EIF4G3: variants seen among roughly 807,000 people sequenced by gnomAD.
EIF4G3 encodes the protein eukaryotic translation initiation factor 4 gamma 3, also known as eIF-4-gamma 3.
A neutral mutation model predicts 186.4 loss-of-function variants in EIF4G3; 34 were observed. The observed-to-expected ratio is 0.18, with a 90% CI of 0.14 to 0.24. EIF4G3 has a LOEUF of 0.24. Among genes scored for constraint, EIF4G3 ranks in the 10% least tolerant of loss-of-function variants. The probability of loss-of-function intolerance (pLI) is 1.00; values close to 1 mark genes in which losing one functional copy is unlikely to be tolerated. For missense variants in EIF4G3, 1,536 were observed against 1,948.5 expected (o/e 0.79, Z 3.99); for synonymous variants, 673 against 679.5 (o/e 0.99, Z 0.15).
intron 3 of EIF4G3, chr1:21,073,743 C>T: frequency 2.1e-6 from 1 of 475,352 alleles, no homozygotes; most frequent in African/African-American, 2.0e-5. Flanking sequence ...GTAGGGAAGT[C>T]TATGATGGTA....
At chr1:21,098,232 T>C (rs2096424310) in intron 2 of EIF4G3, among the ~76,000 whole-genome samples, 1 of 152,156 alleles carries the variant, frequency 6.6e-6, no homozygotes, top group Non-Finnish European at 1.5e-5. Flanking sequence ...AGATAAAGGA[T>C]TTGTATCTAG....
At chr1:21,165,666 C>T (rs1253828069) in intron 2 of EIF4G3, among the ~76,000 whole-genome samples, 1 of 152,020 alleles carries the variant, frequency 6.6e-6, no homozygotes, top group African/African-American at 2.4e-5. Context: ...TTGCCTAGGG[C>T]AGGGAGAATT....
intron 14 of EIF4G3, among the ~76,000 whole-genome samples, chr1:20,934,974 G>A (rs2095471536): frequency 6.6e-6 from 1 of 151,970 alleles, no homozygotes; most frequent in East Asian, 1.9e-4. Context: ...CATCACTAGG[G>A]CAGGGATCTT....
intron 34 of EIF4G3, among the ~76,000 whole-genome samples, chr1:20,814,271 G>C (rs931672551): frequency 2.0e-5 from 3 of 152,082 alleles, no homozygotes; most frequent in Non-Finnish European, 4.4e-5. Context: ...CAGACCAGAT[G>C]AATCACATTT....
chr1:20,927,356 T>C (rs1271163750), intron 14 of EIF4G3, among the ~76,000 whole-genome samples: 2 of 152,228 alleles, frequency 1.3e-5, no homozygotes, highest in African/African-American at 2.4e-5. Context: ...GAAATAATGA[T>C]AGTTTCAAGG....
In EIF4G3 at chr1:20,817,399, C is replaced by G; in HGVS notation, c.4508G>C (p.Trp1503Ser). The G allele has an allele frequency of 1.3e-6, 2 of 1,590,452 alleles. No individual in the cohort carries two copies. The highest frequency in any genetic ancestry group is 1.7e-6 in the Non-Finnish European group (2 of 1,166,232). The part of the protein sequence containing the change: ...DKANDEQIFD[W>S]VEANLDEIQM... ...GTGACATAGTCTTTATACCTCTACC[C>G]AGTCAAAGATCTGTTCATCATTCGC... Residue 1503 changes from tryptophan (W) to serine (S), a missense_variant, in exon 34 of 37, where the codon TGG (tryptophan) becomes TCG (serine). This residue lies in a region of EIF4G3 where 395 missense variants were observed against 498.9 expected (regional missense o/e 0.79). Transcript: ENST00000602326.
intron 13 of EIF4G3, among the ~76,000 whole-genome samples, chr1:20,943,972 T>TGTGTGTGTGTGTGTGTGTGTG (rs1558363073): frequency 2.2e-5 from 1 of 44,798 alleles, no homozygotes; most frequent in Admixed American, 2.2e-4. Context: ...TCTTTATTTT[T>TGTGTGTGTGTGTGTGTGTGTG]TTTGTGTGTG....
intron 32 of EIF4G3, among the ~76,000 whole-genome samples, chr1:20,826,191 G>A (rs751777426): frequency 9.2e-5 from 14 of 152,212 alleles, no homozygotes; most frequent in Non-Finnish European, 1.3e-4. Context: ...TTTTGAGACA[G>A]AGTCTCTCTC....
chr1:21,023,800 T>C (rs1393994837), intron 4 of EIF4G3, among the ~76,000 whole-genome samples: 18 of 141,182 alleles, frequency 1.3e-4, no homozygotes, highest in African/African-American at 5.0e-4. Flanking sequence ...CGCCATCCCA[T>C]CTAGGAAGTG....
intron 2 of EIF4G3, among the ~76,000 whole-genome samples, chr1:21,115,517 A>C (rs911765826): frequency 6.6e-6 from 1 of 152,190 alleles, no homozygotes; most frequent in African/African-American, 2.4e-5. Flanking sequence ...ACAAACCTTA[A>C]ATTTGTTAGG....
chr1:20,889,441 G>A (rs957973762), intron 18 of EIF4G3, among the ~76,000 whole-genome samples: 2 of 152,172 alleles, frequency 1.3e-5, no homozygotes, highest in Non-Finnish European at 1.5e-5. Context: ...ATTTTTTGGA[G>A]TGCTTTCTGT....
chr1:21,117,571 T>C (rs546884592), intron 2 of EIF4G3, among the ~76,000 whole-genome samples: 1 of 151,432 alleles, frequency 6.6e-6, no homozygotes, highest in Admixed American at 6.6e-5. Flanking sequence ...AATGATACAG[T>C]TGCTGCTGCA....
intron 29 of EIF4G3, among the ~76,000 whole-genome samples, chr1:20,842,060 T>C: frequency 6.6e-6 from 1 of 152,232 alleles, no homozygotes; most frequent in East Asian, 1.9e-4. Flanking sequence ...ACAGAAAAAT[T>C]AAAGAGTCAT....
intron 14 of EIF4G3, among the ~76,000 whole-genome samples, chr1:20,939,847 GTTTTTTTTTTTTT>G (rs538504683): frequency 2.2e-5 from 2 of 89,954 alleles, no homozygotes; most frequent in East Asian, 4.0e-4. Context: ...AAGTTGTTTA[GTTTTTTTTTTTTT>G]TTTTTTTTTT....
chr1:20,922,946 A>C (rs923446057), intron 14 of EIF4G3, among the ~76,000 whole-genome samples: 4 of 152,196 alleles, frequency 2.6e-5, no homozygotes, highest in Non-Finnish European at 5.9e-5. Context: ...GAACAACAAT[A>C]CTGGTTAAAT....
chr1:21,101,562 GAAAA>G (rs57590306), intron 2 of EIF4G3, among the ~76,000 whole-genome samples: 3 of 35,370 alleles, frequency 8.5e-5, no homozygotes, highest in Non-Finnish European at 1.6e-4. Context: ...AGGGTCTCAG[GAAAA>G]AAAAAAAAAC....
chr1:20,889,980 G>GT lies in EIF4G3; in HGVS notation c.2253+3536dup, dbSNP rs1003364631. On this transcript the variant is annotated intron_variant, in intron 18 of 36. Transcript: ENST00000602326. ...GTTACAGCAAAGTTTTTGGTTTTTTGTTTTTTTTTTTAGACAGAGTCTTGC... is the reference window on the plus strand; with the variant it reads ...GTTACAGCAAAGTTTTTGGTTTTTTGTTTTTTTTTTTTAGACAGAGTCTTGC... 1.8e-3 allele frequency among the ~76,000 whole-genome samples: 250 copies of GT among 140,490 alleles called. 1 individual carries two copies. The highest frequency in any genetic ancestry group is 3.7e-3 in the Middle Eastern group (1 of 272). 92.2% of individuals were successfully genotyped at this position (140,490 alleles called of 152,430 possible).
At chr1:21,041,863 T>C (rs925068214) in intron 4 of EIF4G3, among the ~76,000 whole-genome samples, 1 of 152,164 alleles carries the variant, frequency 6.6e-6, no homozygotes, top group Non-Finnish European at 1.5e-5. Flanking sequence ...AAATCAGACT[T>C]AGCCCTTCGT....
chr1:20,850,503 A>C (rs771725664), intron 28 of EIF4G3, among the ~76,000 whole-genome samples: 12 of 152,236 alleles, frequency 7.9e-5, no homozygotes, highest in Non-Finnish European at 1.5e-4. Flanking sequence ...ATAAATACTA[A>C]AAAACTAAAA....
Sources: gnomAD v4.1 joint callset for allele counts (sites outside exome capture counted in the v4.1 genomes callset) on GRCh38, gnomAD v4.1.1 for gene constraint, gnomAD v4.1.1 regional missense constraint, MANE v1.5 for transcripts, NCBI Gene and HGNC (gene_info 2026-07-23, HGNC 2026-07-21) for gene names.